PLXNC1: variants seen among roughly 807,000 people sequenced by gnomAD.
PLXNC1 encodes the protein plexin C1, also known as plexin-C1.
In PLXNC1, 75 loss-of-function variants were observed where a neutral mutation model predicts 178.2. The ratio of observed to expected loss-of-function variants is 0.42; its 90% CI spans 0.35 to 0.51. PLXNC1 has a LOEUF of 0.51. Among genes scored for constraint, PLXNC1 ranks in the 20% least tolerant of loss-of-function variants. PLXNC1 has a pLI of 0.02. For synonymous variants in PLXNC1, 790 were observed against 779.9 expected (o/e 1.01, Z -0.22); for missense variants, 1,503 against 1,984.4 (o/e 0.76, Z 4.61).
At chr12:94,298,491 A>G (rs1968149421) in intron 26 of PLXNC1, 141 bp from the exon 27 acceptor site, 2 of 708,896 alleles carry the variant, frequency 2.8e-6, no homozygotes, top group Non-Finnish European at 4.5e-6. Context: ...ACATTTGACA[A>G]TTTTACATTT....
chr12:94,305,201 A>T lies in PLXNC1; in HGVS notation c.4623A>T (p.Arg1541Ser). The change falls in exon 31 of 31, where the codon AGA becomes AGT. Residue 1541 changes from arginine to serine, a missense_variant. By Grantham distance (110) the Arg-to-Ser change is moderately radical. Around this residue, in one of 4 missense-constraint regions of PLXNC1, gnomAD observed 639 missense variants for 979.7 expected, o/e 0.65. Transcript: ENST00000258526. The stretch of plus-strand genomic sequence containing the variant: ...AACAGATTCTAAATAAACTAGAAAG[A>T]GAACGAGGGCTGGAAGAAGCTCAGA... ...YFDEILNKLE[R>S]ERGLEEAQKQ... is the part of the protein sequence containing the mutation. The T allele has an allele frequency of 6.2e-7, 1 of 1,608,186 alleles. No homozygotes were observed. Among genetic ancestry groups the T allele is most frequent in the South Asian group, 1.1e-5 (1 of 90,650 alleles).
At chr12:94,293,142 A>T (rs1000004509) in intron 23 of PLXNC1, among the ~76,000 whole-genome samples, 2 of 152,168 alleles carry the variant, frequency 1.3e-5, no homozygotes, top group African/African-American at 4.8e-5. Flanking sequence ...TGATTGTAAG[A>T]TTTACCCATG....
In PLXNC1 at chr12:94,149,673, C is replaced by A; in HGVS notation, c.702C>A (p.Phe234Leu). The A allele has an allele frequency of 6.2e-7, 1 of 1,609,536 alleles. No homozygotes were observed. The highest frequency in any genetic ancestry group is 8.5e-7 in the Non-Finnish European group (1 of 1,178,156). The change falls in exon 1 of 31, where the codon TTC (phenylalanine) becomes TTA (leucine). Residue 234 changes from phenylalanine to leucine, a missense_variant. Phe to Leu is a conservative substitution (Grantham distance 22). Transcript: ENST00000258526. ...KLCEGAGSLH[F>L]VDAFLWNGSI... ...GCGAGGGCGCGGGCAGCCTGCACTT[C>A]GTGGACGCCTTTCTCTGGAACGGCA...
At position 94,182,441 on chromosome 12, in the gene PLXNC1, A is replaced by G. The variant is rs893472646; in HGVS notation, c.1338+861A>G. On this transcript the variant is annotated intron_variant, in intron 3 of 30. Coordinates refer to ENST00000258526, the MANE Select transcript of PLXNC1 (RefSeq NM_005761.3). Reference sequence around the variant, plus strand: ...TCAAAAAAAAAAAAAAAAAAAAAAAAAAGGCTGGGCATGGTGGCTCACACC... The same window carrying G: ...TCAAAAAAAAAAAAAAAAAAAAAAAGAAGGCTGGGCATGGTGGCTCACACC... 1.4e-4 allele frequency among the ~76,000 whole-genome samples: 20 copies of G among 146,002 alleles called. No individual in the cohort carries two copies. In the East Asian group the frequency reaches 3.4e-3, roughly 25 times the overall value.
At chr12:94,275,393 G>A (rs529567566) in intron 21 of PLXNC1, among the ~76,000 whole-genome samples, 2 of 152,336 alleles carry the variant, frequency 1.3e-5, no homozygotes, top group Non-Finnish European at 2.9e-5. Context: ...TGTCTCCCCC[G>A]ATGGGGTACA....
chr12:94,235,971 G>A (rs11107473), intron 9 of PLXNC1, among the ~76,000 whole-genome samples: 6 of 152,232 alleles, frequency 3.9e-5, no homozygotes, highest in East Asian at 1.9e-4. Context: ...CTGTCACCAC[G>A]TAAGAGCGAA....
At chr12:94,282,440 C>T (rs1202936273) in intron 23 of PLXNC1, 39 bp downstream of exon 23, 3 of 1,301,324 alleles carry the variant, frequency 2.3e-6, no homozygotes, top group African/African-American at 1.5e-5. Context: ...CTTCCTCATC[C>T]CCAATCCTAG....
At chr12:94,154,812 T>C (rs1239699023) in intron 1 of PLXNC1, among the ~76,000 whole-genome samples, 1 of 152,246 alleles carries the variant, frequency 6.6e-6, no homozygotes, top group Non-Finnish European at 1.5e-5. Context: ...CTAGACAGTG[T>C]TGGTGTTCTG....
chr12:94,299,748 T>C (rs1033839142), intron 27 of PLXNC1, among the ~76,000 whole-genome samples: 6 of 152,084 alleles, frequency 3.9e-5, no homozygotes, highest in African/African-American at 1.4e-4. Context: ...TTTTGTGAGA[T>C]GAGGTCTCAC....
intron 23 of PLXNC1, among the ~76,000 whole-genome samples, chr12:94,286,393 C>T (rs1329012542): frequency 1.3e-5 from 2 of 152,130 alleles, no homozygotes; most frequent in Non-Finnish European, 2.9e-5. Context: ...TCCCCCACCA[C>T]CCTCAGCCAC....
intron 12 of PLXNC1, among the ~76,000 whole-genome samples, chr12:94,245,144 T>G (rs117051435): frequency 6.6e-6 from 1 of 152,192 alleles, no homozygotes; most frequent in African/African-American, 2.4e-5. Context: ...TGTATCTGAC[T>G]CCAGGCCTCA....
At chr12:94,207,598 T>G (rs1171006088) in intron 4 of PLXNC1, among the ~76,000 whole-genome samples, 1 of 152,248 alleles carries the variant, frequency 6.6e-6, no homozygotes, top group African/African-American at 2.4e-5. Flanking sequence ...TAAAGAAATA[T>G]TAAAGACCTT....
At chr12:94,287,174 AG>A (rs1966854464) in intron 23 of PLXNC1, among the ~76,000 whole-genome samples, 1 of 152,218 alleles carries the variant, frequency 6.6e-6, no homozygotes, top group African/African-American at 2.4e-5. Flanking sequence ...TTTCTGTTCC[AG>A]TGTCATTCTG....
chr12:94,149,274 C>T lies in PLXNC1; in HGVS notation c.303C>T (p.Pro101=). The part of the protein sequence containing the change: ...VSLAPPARPR[P]GSSFSKLLLP... Reference sequence around the variant, plus strand: ...TGGCGCCCCCCGCGCGGCCCCGGCCCGGGAGCAGCTTCAGCAAGCTGCTGC... The same window carrying T: ...TGGCGCCCCCCGCGCGGCCCCGGCCTGGGAGCAGCTTCAGCAAGCTGCTGC... Residue 101 remains proline (P), a synonymous_variant, in exon 1 of 31, where the codon CCC becomes CCT. Transcript: ENST00000258526. The T allele has an allele frequency of 1.3e-6, 2 of 1,521,476 alleles. No homozygotes were observed. The highest frequency in any genetic ancestry group is 1.7e-6 in the Non-Finnish European group (2 of 1,143,894). 94.2% of individuals were successfully genotyped at this position (1,521,476 alleles called of 1,614,324 possible).
chr12:94,239,678 G>A (rs530294591), intron 10 of PLXNC1, among the ~76,000 whole-genome samples: 165 of 152,300 alleles, frequency 1.1e-3, no homozygotes, highest in African/African-American at 3.7e-3. Flanking sequence ...CGGGAATGTC[G>A]GAGAAAGCTT....
chr12:94,159,474 G>A (rs1961296841), intron 1 of PLXNC1, among the ~76,000 whole-genome samples: 1 of 152,194 alleles, frequency 6.6e-6, no homozygotes, highest in Non-Finnish European at 1.5e-5. Context: ...TCTGGGAAGA[G>A]CAGTGCTGGC....
chr12:94,179,943 C>T (rs1962246885), intron 2 of PLXNC1, among the ~76,000 whole-genome samples: 1 of 152,046 alleles, frequency 6.6e-6, no homozygotes, highest in Non-Finnish European at 1.5e-5. Flanking sequence ...GATTAAGTTA[C>T]CAGTTCAAAG....
chr12:94,177,201 GTATATATATA>G (rs201569205), intron 2 of PLXNC1, among the ~76,000 whole-genome samples: 686 of 61,612 alleles, frequency 0.011, 7 homozygotes, highest in African/African-American at 0.03. Flanking sequence ...ATATATATAC[GTATATATATA>G]TGTGTGTGTA....
chr12:94,199,073 G>A (rs190631690), intron 4 of PLXNC1, among the ~76,000 whole-genome samples: 17 of 152,308 alleles, frequency 1.1e-4, no homozygotes, highest in Admixed American at 6.5e-4. Context: ...AATGGGGAGC[G>A]CTAGTTGGAG....
Sources: gnomAD v4.1 joint callset for allele counts (sites outside exome capture counted in the v4.1 genomes callset) on GRCh38, gnomAD v4.1.1 for gene constraint, gnomAD v4.1.1 regional missense constraint, MANE v1.5 for transcripts, NCBI Gene and HGNC (gene_info 2026-07-23, HGNC 2026-07-21) for gene names.